INPP5D: variants seen among roughly 807,000 people sequenced by gnomAD.
INPP5D encodes inositol polyphosphate-5-phosphatase D.
A neutral mutation model predicts 122.9 loss-of-function variants in INPP5D; 33 were observed. The observed-to-expected ratio is 0.27, with a 90% confidence interval of 0.20 to 0.36. The LOEUF (loss-of-function observed/expected upper bound fraction) is 0.36. Among genes scored for constraint, INPP5D ranks in the 10% least tolerant of loss-of-function variants. INPP5D has a pLI of 1.00. For synonymous variants in INPP5D, 584 were observed against 576.2 expected, an observed-to-expected ratio of 1.01 and a Z score of -0.19; for missense variants, 1,053 against 1,412.7, an observed-to-expected ratio of 0.75 and a Z score of 4.08.
chr2:233,117,025 A>AC lies in INPP5D; in HGVS notation c.199-5082_199-5081insC, dbSNP rs1489192400. ...GGCGGAGGCGTTCACTCCAGGGAAA[A>AC]GGGAGAGTTGCCACGGCAGAAATCC... is the stretch of plus-strand genomic sequence containing the variant. On this transcript the variant is annotated intron_variant, in intron 2 of 26. Transcript: ENST00000445964. Among the ~76,000 whole-genome samples the AC allele has an allele frequency of 5.9e-5, 9 of 152,282 alleles. No individual in the cohort carries two copies. The East Asian group carries it at 1.7e-3, about 29-fold the overall frequency.
At chr2:233,201,512 C>T (rs184643303) in intron 25 of INPP5D, among the ~76,000 whole-genome samples, 242 of 152,350 alleles carry the variant, frequency 1.6e-3, no homozygotes, top group African/African-American at 5.0e-3. Flanking sequence ...AGCTCGCACA[C>T]CTGCCTCATC....
In INPP5D at chr2:233,077,315, T is replaced by C. The variant is rs867709620; in HGVS notation, c.135-2020T>C. On this transcript the variant is annotated intron_variant, in intron 1 of 26. Coordinates refer to ENST00000445964, the MANE Select transcript of INPP5D (RefSeq NM_001017915.3). ...AAGGAGATGTTTATTTTTTATTTTATATCTTTCTGTATGGATTTCATTTTT... is the reference window on the plus strand; with the variant it reads ...AAGGAGATGTTTATTTTTTATTTTACATCTTTCTGTATGGATTTCATTTTT... Among the ~76,000 whole-genome samples the C allele has an allele frequency of 6.8e-4, 103 of 152,326 alleles. 2 individuals are homozygous for C. The highest frequency in any genetic ancestry group is 2.3e-3 in the African/African-American group (94 of 41,572).
rs565735597 is a variant in INPP5D, at chr2:233,167,207, C to CAA, written c.1556-2079_1556-2078dup. Among the ~76,000 whole-genome samples the CAA allele has an allele frequency of 8.4e-3, 859 of 102,124 alleles. 14 individuals carry two copies. Among genetic ancestry groups the CAA allele is most frequent in the Middle Eastern group, 0.036 (7 of 196 alleles). 67.0% of individuals were successfully genotyped at this position (102,124 alleles called of 152,430 possible). On this transcript the variant is annotated intron_variant, in intron 13 of 26. Coordinates refer to ENST00000445964, the MANE Select transcript of INPP5D (RefSeq NM_001017915.3). Reference sequence around the variant, plus strand: ...GCAACATAGGAAGGTACCATTTCTACAAAAAAAAAAAAAAAAAAAATGGCA... The same window carrying CAA: ...GCAACATAGGAAGGTACCATTTCTACAAAAAAAAAAAAAAAAAAAAAATGGCA...
chr2:233,158,330 T>G lies in INPP5D; in HGVS notation c.1048T>G (p.Ser350Ala), dbSNP rs1378795190. Residue 350 changes from serine (S) to alanine (A), a missense_variant, in exon 10 of 27, where the codon TCA (serine) becomes GCA (alanine). Ser to Ala is a moderately conservative substitution (Grantham distance 99, BLOSUM62 1). Transcript: ENST00000445964. ...SHKKILQLIK[S>A]QKFLNKLVIL... ...CTCTTAAGTCCTGCAGCTCATTAAG[T>G]CACAGAAATTTCTGAATAAGTTGGT... The G allele has an allele frequency of 2.8e-6, 2 of 703,350 alleles. No homozygotes were observed. Among genetic ancestry groups the G allele is most frequent in the Non-Finnish European group, 5.2e-6 (2 of 384,718 alleles). 43.6% of individuals were successfully genotyped at this position (703,350 alleles called of 1,614,324 possible).
intron 9 of INPP5D, among the ~76,000 whole-genome samples, chr2:233,153,390 T>C (rs147189261): frequency 0.015 from 2,289 of 152,200 alleles, 52 homozygotes; most frequent in African/African-American, 0.053. Flanking sequence ...AAGTGATGGT[T>C]AAATGCATGC....
At chr2:233,168,005 C>CA (rs58025565) in intron 13 of INPP5D, among the ~76,000 whole-genome samples, 944 of 72,502 alleles carry the variant, frequency 0.013, 10 homozygotes, top group East Asian at 0.038. Flanking sequence ...ACTCTGTCTC[C>CA]AAAAAAAAAA....
In INPP5D at chr2:233,137,294, C is replaced by T. The variant is rs200152422; in HGVS notation, c.666-2548C>T. On this transcript the variant is annotated intron_variant, in intron 5 of 26. Transcript: ENST00000445964. The stretch of plus-strand genomic sequence containing the variant: ...ATTTTGCAGTAGATTAAAAGATAAA[C>T]GGAAACCATTTACATAGATAACATT... 4.6e-5 allele frequency among the ~76,000 whole-genome samples: 7 copies of T among 151,250 alleles called. No homozygotes were observed. In the East Asian group the frequency reaches 5.8e-4, roughly 13 times the overall value.
intron 2 of INPP5D, among the ~76,000 whole-genome samples, chr2:233,090,036 G>C (rs73101525): frequency 6.6e-6 from 1 of 152,158 alleles, no homozygotes; most frequent in Non-Finnish European, 1.5e-5. Flanking sequence ...TAGGCGACCC[G>C]GTGTCTGTCT....
In INPP5D at chr2:233,143,288, A is replaced by G. The variant is rs960563089; in HGVS notation, c.754-2874A>G. 1.4e-3 allele frequency among the ~76,000 whole-genome samples: 209 copies of G among 152,214 alleles called. 1 individual carries two copies. Among genetic ancestry groups the G allele is most frequent in the Non-Finnish European group, 2.4e-3 (165 of 68,014 alleles). On this transcript the variant is annotated intron_variant, in intron 6 of 26. Transcript: ENST00000445964. Reference sequence around the variant, plus strand: ...GCCCTGTTTGTCAGTAACTTCATTTATGTTCTCTAAGATCTTGTTATATCT... The same window carrying G: ...GCCCTGTTTGTCAGTAACTTCATTTGTGTTCTCTAAGATCTTGTTATATCT...
In INPP5D at chr2:233,183,572, A is replaced by G. The variant is rs973933276; in HGVS notation, c.2162-836A>G. Among the ~76,000 whole-genome samples, 1 of 152,098 alleles carries G rather than the reference A, an allele frequency of 6.6e-6. No individual in the cohort carries two copies. Among genetic ancestry groups the G allele is most frequent in the Non-Finnish European group, 1.5e-5 (1 of 67,996 alleles). On this transcript the variant is annotated intron_variant, in intron 19 of 26. Transcript: ENST00000445964. The surrounding 1 kb of genome is among the most constrained non-coding windows in gnomAD (Gnocchi z 4.6). ...CTTTCTCTGAGCTCCTGCAGCCTTGAAGGGGTTGCCCTTGCCATCTCCTCC... is the reference window on the plus strand; with the variant it reads ...CTTTCTCTGAGCTCCTGCAGCCTTGGAGGGGTTGCCCTTGCCATCTCCTCC...
rs541471893 is a variant in INPP5D, at chr2:233,184,982, G to A, written c.2275+461G>A. Among the ~76,000 whole-genome samples, 14 of 152,156 alleles carry A rather than the reference G, an allele frequency of 9.2e-5. No individual in the cohort carries two copies. In the East Asian group the frequency reaches 9.7e-4, roughly 11 times the overall value. ...GCGTCTTTCTCGGGGGGACTGCAGC[G>A]TCCGAAAGCAAGCAGGAGATGGACA... On this transcript the variant is annotated intron_variant, in intron 20 of 26. Transcript: ENST00000445964.
Position 233,065,307 on chromosome 2 carries a change from GTT to G in INPP5D, c.134+4714_134+4715del, listed in dbSNP as rs376982879. 9.4e-4 allele frequency among the ~76,000 whole-genome samples: 110 copies of G among 116,950 alleles called. 1 individual carries two copies. The highest frequency in any genetic ancestry group is 3.4e-3 in the African/African-American group (104 of 30,574). 76.7% of individuals were successfully genotyped at this position (116,950 alleles called of 152,430 possible). A position where few individuals can be genotyped will look rare whatever the true frequency, so the allele number is the denominator to read the frequency against. On this transcript the variant is annotated intron_variant, in intron 1 of 26. Coordinates refer to ENST00000445964, the MANE Select transcript of INPP5D (RefSeq NM_001017915.3). ...CATGAACACAATCAGCACTTCTTGG[GTT>G]TTTTTTTTTTTTTTTTTTGACAGAG...
intron 5 of INPP5D, among the ~76,000 whole-genome samples, chr2:233,137,854 ATATAT>A (rs1243276093): frequency 1.6e-3 from 14 of 8,892 alleles, no homozygotes; most frequent in African/African-American, 3.5e-3. Flanking sequence ...AAAAAAAAAA[ATATAT>A]ATATATATAT....
chr2:233,192,824 G>A (rs910257343), intron 22 of INPP5D, among the ~76,000 whole-genome samples: 1 of 152,144 alleles, frequency 6.6e-6, no homozygotes, highest in Non-Finnish European at 1.5e-5. Context: ...GCTTCTTGGC[G>A]CTTGACACCA....
At chr2:233,083,728 C>G (rs1691752903) in intron 2 of INPP5D, among the ~76,000 whole-genome samples, 1 of 152,206 alleles carries the variant, frequency 6.6e-6, no homozygotes, top group Non-Finnish European at 1.5e-5. Context: ...GTCTGAGGTC[C>G]TGCAAGCCGC....
At chr2:233,201,728 G>A (rs1695345574) in intron 25 of INPP5D, among the ~76,000 whole-genome samples, 1 of 152,230 alleles carries the variant, frequency 6.6e-6, no homozygotes, top group Non-Finnish European at 1.5e-5. Flanking sequence ...AGGACAACTG[G>A]TGACCCCAGA....
intron 19 of INPP5D, among the ~76,000 whole-genome samples, chr2:233,182,792 C>T (rs188055620): frequency 2.0e-5 from 3 of 150,806 alleles, no homozygotes; most frequent in South Asian, 2.1e-4. Flanking sequence ...GATAATTCTC[C>T]GGGTGGGATG....
intron 2 of INPP5D, among the ~76,000 whole-genome samples, chr2:233,088,921 G>A (rs367855102): frequency 2.2e-4 from 34 of 152,330 alleles, no homozygotes; most frequent in East Asian, 1.2e-3. Context: ...GGGCCCAGGC[G>A]CGAGGGTCAT....
chr2:233,185,681 G>A (rs1227621443), intron 20 of INPP5D, among the ~76,000 whole-genome samples, 162 bp from the exon 21 acceptor site: 1 of 143,628 alleles, frequency 7.0e-6, no homozygotes, highest in Non-Finnish European at 1.5e-5. Context: ...TCCCCGGCAG[G>A]CCTGACTCCT....
Sources: allele counts gnomAD v4.1 joint callset (sites outside exome capture counted in the v4.1 genomes callset), GRCh38; gene constraint gnomAD v4.1.1; non-coding constraint Gnocchi (gnomAD v3.1); transcripts MANE v1.5; gene names NCBI Gene and HGNC (gene_info 2026-07-23, HGNC 2026-07-21).